SAMD4A: variants seen among roughly 807,000 people sequenced by gnomAD.
SAMD4A encodes sterile alpha motif domain containing 4A.
In SAMD4A, 33 loss-of-function variants were observed where a neutral mutation model predicts 81.3. That is an observed-to-expected ratio of 0.41 (90% CI 0.31 to 0.54). The LOEUF is 0.54. SAMD4A is among the 20% of genes least tolerant of loss of function. The pLI is 0.37. For synonymous variants in SAMD4A, 389 were observed against 382.1 expected (o/e 1.02, Z -0.21); for missense variants, 854 against 951.1 (o/e 0.90, Z 1.34).
At chr14:54,784,326 C>A in intron 11 of SAMD4A, 1 of 1,546,470 alleles carries the variant, frequency 6.5e-7, no homozygotes, top group South Asian at 1.2e-5. Flanking sequence ...TTTTTAGTCT[C>A]CGTTTTGTTC....
intron 2 of SAMD4A, among the ~76,000 whole-genome samples, chr14:54,597,015 T>C (rs1239934307): frequency 6.6e-6 from 1 of 152,120 alleles, no homozygotes. Context: ...TTTTGTTTCA[T>C]GCCCATTGCA....
chr14:54,637,353 G>A lies in SAMD4A; in HGVS notation c.197-64709G>A, dbSNP rs918102480. 6.6e-5 allele frequency among the ~76,000 whole-genome samples: 6 copies of A among 90,408 alleles called. No individual in the cohort carries two copies. The Admixed American group carries it at 6.7e-4, about 10-fold the overall frequency. The allele number at this position is 90,408 out of a possible 152,430, so 59.3% of individuals were successfully genotyped here. On this transcript the variant is annotated intron_variant, in intron 2 of 12. Coordinates refer to ENST00000554335, the MANE Select transcript of SAMD4A (RefSeq NM_015589.6). The stretch of plus-strand genomic sequence containing the variant: ...GCACTCCAGCCTGGGCAACAAGAGC[G>A]AAACTCCATCTCAAAAAAAAAAAAA...
chr14:54,760,547 C>G, intron 7 of SAMD4A, 53 bp downstream of exon 7: 1 of 1,365,450 alleles, frequency 7.3e-7, no homozygotes, highest in Non-Finnish European at 9.4e-7. Flanking sequence ...CTAACCAGAG[C>G]GACAGGCTCC....
At chr14:54,677,505 C>T (rs1294993398) in intron 2 of SAMD4A, among the ~76,000 whole-genome samples, 1 of 152,178 alleles carries the variant, frequency 6.6e-6, no homozygotes, top group Non-Finnish European at 1.5e-5. Flanking sequence ...AGTGCACTGC[C>T]CAGGCTGCAC....
chr14:54,766,304 C>T (rs1049641577), intron 8 of SAMD4A, among the ~76,000 whole-genome samples: 2 of 152,074 alleles, frequency 1.3e-5, no homozygotes, highest in African/African-American at 4.8e-5. Context: ...ACAACTCGTC[C>T]ATTCCCTAGA....
intron 4 of SAMD4A, among the ~76,000 whole-genome samples, chr14:54,744,803 C>G (rs1462005368): frequency 1.3e-5 from 2 of 152,206 alleles, no homozygotes; most frequent in East Asian, 3.8e-4. Context: ...GAACTACTGA[C>G]AAGGAACCTC....
chr14:54,772,264 G>A lies in SAMD4A; in HGVS notation c.1715+2042G>A, dbSNP rs190106114. 9.7e-4 allele frequency among the ~76,000 whole-genome samples: 147 copies of A among 152,296 alleles called. 1 individual carries two copies. Among genetic ancestry groups the A allele is most frequent in the Middle Eastern group, 3.4e-3 (1 of 294 alleles). The stretch of plus-strand genomic sequence containing the variant: ...GTGTAATGAAATCAGATTTAGAAAG[G>A]TAAGGCAAGAGAATGAGAAAGGAAA... On this transcript the variant is annotated intron_variant, in intron 9 of 12. Transcript: ENST00000554335.
At chr14:54,628,337 G>A (rs1013771421) in intron 2 of SAMD4A, among the ~76,000 whole-genome samples, 34 of 152,104 alleles carry the variant, frequency 2.2e-4, no homozygotes, top group African/African-American at 7.0e-4. Context: ...TGGAGACTCC[G>A]CCGGCCTTCA....
intron 2 of SAMD4A, among the ~76,000 whole-genome samples, chr14:54,670,886 C>T (rs2035866559): frequency 6.6e-6 from 1 of 152,174 alleles, no homozygotes; most frequent in African/African-American, 2.4e-5. Flanking sequence ...ATAAACATTG[C>T]AGCCACATAG....
chr14:54,696,138 C>T (rs17127780), intron 2 of SAMD4A, among the ~76,000 whole-genome samples: 3,374 of 152,246 alleles, frequency 0.022, 123 homozygotes, highest in African/African-American at 0.077. Context: ...GGATTCTTCT[C>T]TGGTCACCTC....
At chr14:54,691,361 C>G (rs891372854) in intron 2 of SAMD4A, among the ~76,000 whole-genome samples, 6 of 152,102 alleles carry the variant, frequency 3.9e-5, no homozygotes, top group African/African-American at 1.4e-4. Context: ...ATCAGTCCTC[C>G]TGATTCTGGT....
intron 11 of SAMD4A, among the ~76,000 whole-genome samples, chr14:54,782,566 C>T (rs2039024950): frequency 6.6e-6 from 1 of 152,206 alleles, no homozygotes; most frequent in Admixed American, 6.5e-5. Context: ...ACCCCACTTC[C>T]CTGGAAGCTC....
chr14:54,641,899 G>A (rs1033477711), intron 2 of SAMD4A, among the ~76,000 whole-genome samples: 3 of 151,862 alleles, frequency 2.0e-5, no homozygotes, highest in Non-Finnish European at 4.4e-5. Flanking sequence ...CTGGGTTCAA[G>A]CAATTCTCCT....
chr14:54,568,033 C>T lies in SAMD4A; in HGVS notation c.117C>T (p.Arg39=), dbSNP rs757241599. 2 of 1,604,062 alleles carry T rather than the reference C, an allele frequency of 1.2e-6. No individual in the cohort carries two copies. Among genetic ancestry groups the T allele is most frequent in the Non-Finnish European group, 1.7e-6 (2 of 1,179,174 alleles). The change falls in exon 2 of 13, where the codon CGC becomes CGT. Residue 39 remains arginine (R), a synonymous_variant. Coordinates refer to ENST00000554335, the MANE Select transcript of SAMD4A (RefSeq NM_015589.6). Reference sequence around the variant, plus strand: ...AGCGCGTGAGCCAGACCCAGGCCCGCTTCCTCCAGCTCTGCCTGGAGCACT... The same window carrying T: ...AGCGCGTGAGCCAGACCCAGGCCCGTTTCCTCCAGCTCTGCCTGGAGCACT... The part of the protein sequence containing the change: ...LLKRVSQTQA[R]FLQLCLEHSL...
chr14:54,589,435 C>A lies in SAMD4A; in HGVS notation c.196+21323C>A, dbSNP rs143137569. ...TTTTCCATGTTGATTTTTTTTGGAC[C>A]ATTCTGCCTCAAGTTTATGTTAGCA... On this transcript the variant is annotated intron_variant, in intron 2 of 12. Transcript: ENST00000554335. Among the ~76,000 whole-genome samples the A allele has an allele frequency of 3.7e-3, 557 of 152,094 alleles. 6 individuals are homozygous for A. The highest frequency in any genetic ancestry group is 0.013 in the African/African-American group (532 of 41,484).
Position 54,792,180 on chromosome 14 carries a change from T to G in SAMD4A, c.*3236T>G, listed in dbSNP as rs1284672280. The G allele has an allele frequency of 6.6e-6, 1 of 152,210 alleles. No homozygotes were observed. The highest frequency in any genetic ancestry group is 1.5e-5 in the Non-Finnish European group (1 of 68,036). The allele number at this position is 152,210 out of a possible 1,614,324, so 9.4% of individuals were successfully genotyped here. The stretch of plus-strand genomic sequence containing the variant: ...TCACATGCTTTTGAGTTTTCACTTT[T>G]TAAACGAGAGCCAGCAAGCAAAATA... On this transcript the variant is annotated 3_prime_UTR_variant, in exon 13 of 13. Coordinates refer to ENST00000554335, the MANE Select transcript of SAMD4A (RefSeq NM_015589.6).
intron 2 of SAMD4A, among the ~76,000 whole-genome samples, chr14:54,679,527 C>A (rs911892708): frequency 2.0e-5 from 3 of 152,150 alleles, no homozygotes; most frequent in Admixed American, 6.5e-5. Flanking sequence ...CTGAGGCCTG[C>A]ATGGAAGTGG....
intron 3 of SAMD4A, among the ~76,000 whole-genome samples, chr14:54,733,376 A>C (rs1381392901): frequency 2.6e-5 from 4 of 152,212 alleles, no homozygotes; most frequent in African/African-American, 4.8e-5. Context: ...AGAGGTTTTT[A>C]AAAATACAAG....
At chr14:54,598,207 A>G (rs1460777720) in intron 2 of SAMD4A, among the ~76,000 whole-genome samples, 1 of 152,234 alleles carries the variant, frequency 6.6e-6, no homozygotes, top group Non-Finnish European at 1.5e-5. Flanking sequence ...TGACACAGTC[A>G]GCGTTCAAAC....
Sources: allele counts gnomAD v4.1 joint callset (sites outside exome capture counted in the v4.1 genomes callset), GRCh38; gene constraint gnomAD v4.1.1; transcripts MANE v1.5; gene names NCBI Gene and HGNC (gene_info 2026-07-23, HGNC 2026-07-21).